The following KIAA0825 variants were observed in gnomAD, a reference collection of about 807,000 sequenced individuals.
KIAA0825 encodes KIAA0825, also known as uncharacterized protein KIAA0825.
Under a neutral mutation model 147.6 loss-of-function variants are expected in KIAA0825, and 119 were observed. The observed-to-expected ratio is 0.81, with a 90% confidence interval of 0.69 to 0.94. The LOEUF is 0.94. Among genes scored for constraint, KIAA0825 ranks in the 40% least tolerant of loss-of-function variants. The pLI is 0.00. For synonymous variants in KIAA0825, 470 were observed against 518.1 expected (o/e 0.91, Z 1.26); for missense variants, 1,381 against 1,472.7 (o/e 0.94, Z 1.02).
At chr5:94,537,922 T>C (rs1488004270) in intron 2 of KIAA0825, among the ~76,000 whole-genome samples, 2 of 152,206 alleles carry the variant, frequency 1.3e-5, no homozygotes, top group African/African-American at 4.8e-5. Context: ...TGAGTTTCTC[T>C]AGCACCCCTT....
rs1750305134 is a variant in KIAA0825 at position 94,394,108 on chromosome 5, T to C, written c.3296+1993A>G. Among the ~76,000 whole-genome samples, 3 of 151,956 alleles carry C rather than the reference T, an allele frequency of 2.0e-5. No homozygotes were observed. In the South Asian group the frequency reaches 6.2e-4, roughly 32 times the overall value. On this transcript the variant is annotated intron_variant, in intron 17 of 20. Transcript: ENST00000682413. ...CTCAGGTGATCCGCCTGCCTTAGCC[T>C]CCCAAAATGTGGGGATTACAGGTGT...
chr5:94,597,479 A>G (rs1785516435), intron 1 of KIAA0825, among the ~76,000 whole-genome samples: 2 of 152,174 alleles, frequency 1.3e-5, no homozygotes, highest in South Asian at 2.1e-4. Flanking sequence ...TTAAAGAAAA[A>G]ACACAATATT....
intron 1 of KIAA0825, among the ~76,000 whole-genome samples, chr5:94,600,830 C>T (rs1372146500): frequency 6.6e-6 from 1 of 152,194 alleles, no homozygotes; most frequent in Non-Finnish European, 1.5e-5. Context: ...AAGTGGGTCC[C>T]CAATCTGTTT....
chr5:94,606,387 C>T (rs1787494631), intron 1 of KIAA0825, among the ~76,000 whole-genome samples: 1 of 152,098 alleles, frequency 6.6e-6, no homozygotes, highest in Non-Finnish European at 1.5e-5. Flanking sequence ...ACATTCTTCA[C>T]AGAACTAGAA....
intron 5 of KIAA0825, among the ~76,000 whole-genome samples, chr5:94,503,016 G>A: frequency 6.6e-6 from 1 of 150,840 alleles, no homozygotes; most frequent in East Asian, 1.9e-4. Flanking sequence ...GGCTGAGGGA[G>A]AAGAATCGAT....
chr5:94,402,365 A>G (rs933481192), intron 16 of KIAA0825, among the ~76,000 whole-genome samples: 2 of 152,142 alleles, frequency 1.3e-5, no homozygotes, highest in African/African-American at 4.8e-5. Flanking sequence ...ATTGCTCAAA[A>G]CATATCAAAT....
chr5:94,529,179 A>G (rs1316654664), intron 3 of KIAA0825, among the ~76,000 whole-genome samples: 1 of 147,920 alleles, frequency 6.8e-6, no homozygotes, highest in Non-Finnish European at 1.5e-5. Flanking sequence ...ATACTCTCAT[A>G]TATATTATAT....
At chr5:94,424,859 T>C (rs1334450541) in intron 14 of KIAA0825, among the ~76,000 whole-genome samples, 1 of 152,108 alleles carries the variant, frequency 6.6e-6, no homozygotes, top group African/African-American at 2.4e-5. Flanking sequence ...TTATTATGAA[T>C]AGCTATACAG....
At chr5:94,464,838 G>A (rs1021035563) in intron 11 of KIAA0825, 31 bp downstream of exon 11, 6 of 1,527,458 alleles carry the variant, frequency 3.9e-6, no homozygotes, top group Middle Eastern at 3.4e-4. Flanking sequence ...AAGTTTTCTT[G>A]AAAAGCAATG....
At chr5:94,400,200 ATGT>A in intron 16 of KIAA0825, among the ~76,000 whole-genome samples, 1 of 152,306 alleles carries the variant, frequency 6.6e-6, no homozygotes, top group East Asian at 1.9e-4. Flanking sequence ...TGATGTAAAT[ATGT>A]TGTTCTTGCA....
chr5:94,441,426 C>T lies in KIAA0825; in HGVS notation c.2358-1305G>A, dbSNP rs540511806. 2.0e-5 allele frequency among the ~76,000 whole-genome samples: 3 copies of T among 152,262 alleles called. No homozygotes were observed. The East Asian group carries it at 5.8e-4, about 29-fold the overall frequency. On this transcript the variant is annotated intron_variant, in intron 13 of 20. Transcript: ENST00000682413. ...ATTAGCATCCTCTTTCCTGCCTCTG[C>T]CTTTGCACAGGTCCACCTTGGCTGC...
intron 20 of KIAA0825, among the ~76,000 whole-genome samples, chr5:94,232,420 C>G (rs1002754304): frequency 3.3e-5 from 5 of 152,040 alleles, no homozygotes; most frequent in African/African-American, 1.2e-4. Flanking sequence ...CAGAACAATT[C>G]CCATGGAGAA....
intron 20 of KIAA0825, among the ~76,000 whole-genome samples, chr5:94,213,117 TA>T (rs1046974957): frequency 6.6e-6 from 1 of 152,128 alleles, no homozygotes; most frequent in African/African-American, 2.4e-5. Flanking sequence ...CTTAGGATTG[TA>T]ACCCCTGTTT....
chr5:94,264,454 T>C (rs976719338), intron 20 of KIAA0825, among the ~76,000 whole-genome samples: 1 of 152,196 alleles, frequency 6.6e-6, no homozygotes, highest in Non-Finnish European at 1.5e-5. Flanking sequence ...GAAGTTAACT[T>C]TGTCAGACTG....
chr5:94,200,198 G>A (rs1004678411), intron 20 of KIAA0825, among the ~76,000 whole-genome samples: 4 of 152,162 alleles, frequency 2.6e-5, no homozygotes, highest in African/African-American at 4.8e-5. Context: ...TCAAATGTCT[G>A]TGTGGGTCAT....
At chr5:94,586,562 C>A (rs962555921) in intron 1 of KIAA0825, among the ~76,000 whole-genome samples, 3 of 152,020 alleles carry the variant, frequency 2.0e-5, no homozygotes, top group East Asian at 1.9e-4. Context: ...AGGCTACCAA[C>A]CAAAAAAACT....
chr5:94,429,626 T>C (rs1369540147), intron 14 of KIAA0825, among the ~76,000 whole-genome samples: 1 of 152,130 alleles, frequency 6.6e-6, no homozygotes, highest in Non-Finnish European at 1.5e-5. Flanking sequence ...AATGGGTTGA[T>C]TCGTGAGATG....
chr5:94,272,385 GT>G (rs886543120), intron 20 of KIAA0825, among the ~76,000 whole-genome samples: 5 of 152,046 alleles, frequency 3.3e-5, no homozygotes, highest in African/African-American at 1.2e-4. Context: ...AATGCTTGAG[GT>G]GATGGATACC....
At chr5:94,187,509 C>T (rs1770250861) in intron 20 of KIAA0825, among the ~76,000 whole-genome samples, 2 of 149,350 alleles carry the variant, frequency 1.3e-5, no homozygotes. Flanking sequence ...TTACTGCAAG[C>T]TCCGCCTCCC....
Sources: gnomAD v4.1 joint callset for allele counts (sites outside exome capture counted in the v4.1 genomes callset) on GRCh38, gnomAD v4.1.1 for gene constraint, MANE v1.5 for transcripts, NCBI Gene and HGNC (gene_info 2026-07-23, HGNC 2026-07-21) for gene names.